RYR3: variants seen among roughly 807,000 people sequenced by gnomAD.
The protein encoded by RYR3 is ryanodine receptor 3.
In RYR3, 207 loss-of-function variants were observed where a neutral mutation model predicts 584.3. The observed-to-expected ratio is 0.35, with a 90% CI of 0.32 to 0.40. The LOEUF is 0.40. Ranked by LOEUF, RYR3 falls within the 10% of genes least tolerant of loss-of-function variation. RYR3 has a pLI of 1.00. For missense variants in RYR3, 5,616 were observed against 6,089.2 expected (o/e 0.92, Z 2.59); for synonymous variants, 2,416 against 2,248.5 (o/e 1.07, Z -2.11).
chr15:33,476,048 C>T (rs1361169307), intron 2 of RYR3, among the ~76,000 whole-genome samples: 1 of 152,104 alleles, frequency 6.6e-6, no homozygotes, highest in Non-Finnish European at 1.5e-5. Flanking sequence ...AGTTGTTATC[C>T]CTTTTGACTT....
intron 1 of RYR3, among the ~76,000 whole-genome samples, chr15:33,416,458 T>C (rs2043816459): frequency 6.6e-6 from 1 of 152,200 alleles, no homozygotes; most frequent in Non-Finnish European, 1.5e-5. Context: ...TAATTAGTAA[T>C]GATGAGCATT....
intron 48 of RYR3, among the ~76,000 whole-genome samples, chr15:33,735,174 C>G (rs2069337241): frequency 6.6e-6 from 1 of 152,140 alleles, no homozygotes; most frequent in Non-Finnish European, 1.5e-5. Flanking sequence ...TTATTGCACT[C>G]TTTGTATTCA....
At chr15:33,696,573 G>A in intron 39 of RYR3, 82 bp downstream of exon 39, 1 of 1,375,672 alleles carries the variant, frequency 7.3e-7, no homozygotes, top group Non-Finnish European at 1.0e-6. Context: ...GAGATATAGT[G>A]GAATCAAATC....
intron 102 of RYR3, among the ~76,000 whole-genome samples, chr15:33,863,111 C>A (rs975888369): frequency 1.1e-4 from 16 of 152,160 alleles, no homozygotes; most frequent in African/African-American, 3.9e-4. Context: ...CTTCCCATGG[C>A]ACTGTTACAC....
At chr15:33,465,358 A>G (rs1015671288) in intron 1 of RYR3, among the ~76,000 whole-genome samples, 2 of 151,864 alleles carry the variant, frequency 1.3e-5, no homozygotes, top group African/African-American at 4.8e-5. Context: ...TTTTTTGAAA[A>G]CCCACCTTGC....
chr15:33,594,627 T>A (rs140756707), intron 16 of RYR3, among the ~76,000 whole-genome samples: 1 of 152,218 alleles, frequency 6.6e-6, no homozygotes, highest in African/African-American at 2.4e-5. Flanking sequence ...GTTTTTTCCT[T>A]TATTCCAATG....
Position 33,821,604 on chromosome 15 carries a change from T to C in RYR3, c.10995+2T>C. The stretch of plus-strand genomic sequence containing the variant: ...GGAGGCAATGCTGGTGTGCAACAGG[T>C]AACGGGAACTTGCAGCGGCTGGGCA... On this transcript the variant is annotated splice_donor_variant, in intron 80 of 103. Transcript: ENST00000634891. LOFTEE classifies it high-confidence loss of function. 6.2e-7 allele frequency: 1 copy of C among 1,613,748 alleles called. No homozygotes were observed. The highest frequency in any genetic ancestry group is 8.5e-7 in the Non-Finnish European group (1 of 1,179,796).
At chr15:33,406,638 T>C (rs1022480529) in intron 1 of RYR3, among the ~76,000 whole-genome samples, 1 of 152,206 alleles carries the variant, frequency 6.6e-6, no homozygotes, top group Non-Finnish European at 1.5e-5. Context: ...AGCCACTTAG[T>C]TGGTTTTGGG....
At chr15:33,455,257 T>C (rs1056026149) in intron 1 of RYR3, among the ~76,000 whole-genome samples, 13 of 152,174 alleles carry the variant, frequency 8.5e-5, no homozygotes, top group Non-Finnish European at 1.8e-4. Context: ...TTGGATGAAC[T>C]GACTTGCAGT....
chr15:33,402,504 C>T (rs567707788), intron 1 of RYR3, among the ~76,000 whole-genome samples: 2 of 152,254 alleles, frequency 1.3e-5, no homozygotes, highest in Admixed American at 6.5e-5. Context: ...TGTAAATTCA[C>T]AGTCTGCCTT....
chr15:33,692,922 G>A (rs112374562), intron 38 of RYR3, among the ~76,000 whole-genome samples: 7 of 152,130 alleles, frequency 4.6e-5, no homozygotes, highest in African/African-American at 1.4e-4. Flanking sequence ...TATGTACTTG[G>A]TTTTATTATG....
At chr15:33,532,805 GT>G (rs1286469814) in intron 4 of RYR3, among the ~76,000 whole-genome samples, 1 of 152,134 alleles carries the variant, frequency 6.6e-6, no homozygotes, top group Non-Finnish European at 1.5e-5. Flanking sequence ...CATCTTTGAG[GT>G]TTTAAGTGTA....
chr15:33,855,002 G>A (rs2153001566), intron 98 of RYR3, 90 bp downstream of exon 98: 2 of 1,274,960 alleles, frequency 1.6e-6, no homozygotes, highest in Non-Finnish European at 2.1e-6. Context: ...TGACAGGAAG[G>A]AATATGTCTT....
At chr15:33,781,071 C>G (rs1179607963) in intron 65 of RYR3, among the ~76,000 whole-genome samples, 1 of 152,198 alleles carries the variant, frequency 6.6e-6, no homozygotes, top group Non-Finnish European at 1.5e-5. Flanking sequence ...TATTTACTAT[C>G]TGGCCCTCTA....
intron 19 of RYR3, among the ~76,000 whole-genome samples, chr15:33,617,465 A>G (rs913272510): frequency 1.3e-5 from 2 of 152,156 alleles, no homozygotes; most frequent in African/African-American, 4.8e-5. Flanking sequence ...GTTTCACCCA[A>G]TACTGTAGAT....
intron 38 of RYR3, among the ~76,000 whole-genome samples, chr15:33,671,627 C>T (rs971462293): frequency 1.3e-5 from 2 of 151,920 alleles, no homozygotes; most frequent in Non-Finnish European, 2.9e-5. Flanking sequence ...CTGGAAAGGG[C>T]GGGTCTTTTG....
chr15:33,519,424 C>G (rs2140948930), intron 3 of RYR3, among the ~76,000 whole-genome samples: 1 of 152,242 alleles, frequency 6.6e-6, no homozygotes, highest in African/African-American at 2.4e-5. Flanking sequence ...AAAGGAAAGT[C>G]AATCACTGGT....
chr15:33,679,856 G>A (rs2064459114), intron 38 of RYR3, among the ~76,000 whole-genome samples: 1 of 152,162 alleles, frequency 6.6e-6, no homozygotes, highest in Non-Finnish European at 1.5e-5. Flanking sequence ...TGATTTGGGA[G>A]ATTTTATTTC....
intron 94 of RYR3, chr15:33,850,809 C>T (rs946310178): frequency 6.6e-6 from 1 of 152,122 alleles, no homozygotes; most frequent in Non-Finnish European, 1.5e-5. Context: ...CTGATTATAT[C>T]TTCCCAACCC....
Sources: allele counts gnomAD v4.1 joint callset (sites outside exome capture counted in the v4.1 genomes callset), GRCh38; gene constraint gnomAD v4.1.1; transcripts MANE v1.5; gene names NCBI Gene and HGNC (gene_info 2026-07-23, HGNC 2026-07-21).